Variants in TBC1D1 observed in about 807,000 individuals in gnomAD.
TBC1D1 encodes the protein TBC1 domain family member 1, also known as TBC1 (tre-2/USP6, BUB2, cdc16) domain family, member 1.
In TBC1D1, 89 loss-of-function variants were observed where a neutral mutation model predicts 125.6. That is an observed-to-expected ratio of 0.71 (90% CI 0.60 to 0.85). The LOEUF (loss-of-function observed/expected upper bound fraction) is 0.85. TBC1D1 is among the 40% of genes least tolerant of loss of function. The probability of loss-of-function intolerance (pLI) is 0.00; values close to 1 mark genes in which losing one functional copy is unlikely to be tolerated. For missense variants in TBC1D1, 1,377 were observed against 1,469.2 expected, an observed-to-expected ratio of 0.94 and a Z score of 1.03; for synonymous variants, 565 against 564.1, an observed-to-expected ratio of 1.00 and a Z score of -0.02.
At chr4:38,086,995 C>T (rs1019388029) in intron 12 of TBC1D1, among the ~76,000 whole-genome samples, 1 of 152,038 alleles carries the variant, frequency 6.6e-6, no homozygotes, top group African/African-American at 2.4e-5. Flanking sequence ...GTGACCTTGG[C>T]CAAGTTATAA....
intron 2 of TBC1D1, among the ~76,000 whole-genome samples, chr4:37,973,952 C>G (rs1249434331): frequency 6.6e-6 from 1 of 152,206 alleles, no homozygotes; most frequent in Non-Finnish European, 1.5e-5. Flanking sequence ...TTCTAACCAA[C>G]AGCCAGTTGC....
chr4:38,007,078 G>T (rs778449457), intron 2 of TBC1D1: 1 of 330,258 alleles, frequency 3.0e-6, no homozygotes, highest in East Asian at 8.6e-5. Context: ...CGAGACATGC[G>T]CAGGGCATAT....
chr4:38,083,534 A>G (rs557540378), intron 12 of TBC1D1, among the ~76,000 whole-genome samples: 8 of 152,368 alleles, frequency 5.3e-5, no homozygotes, highest in South Asian at 2.1e-4. Context: ...GGTAGTTGAC[A>G]TTTTATTAAA....
intron 18 of TBC1D1, among the ~76,000 whole-genome samples, chr4:38,129,081 C>T (rs1292252076): frequency 6.6e-6 from 1 of 152,198 alleles, no homozygotes; most frequent in African/African-American, 2.4e-5. Flanking sequence ...TGGGGCCACA[C>T]CCGAGACCTG....
At chr4:38,052,858 AG>A (rs1751013487) in intron 11 of TBC1D1, among the ~76,000 whole-genome samples, 1 of 152,272 alleles carries the variant, frequency 6.6e-6, no homozygotes, top group South Asian at 2.1e-4. Context: ...CCAGTTTGAA[AG>A]GAAGAGTTAT....
chr4:38,025,205 A>G (rs765871392), intron 6 of TBC1D1, among the ~76,000 whole-genome samples: 12 of 152,188 alleles, frequency 7.9e-5, no homozygotes, highest in Non-Finnish European at 1.3e-4. Flanking sequence ...AGGCGGCCTC[A>G]CTGACCAGAG....
At chr4:38,120,471 A>C (rs945907069) in intron 17 of TBC1D1, among the ~76,000 whole-genome samples, 1 of 152,262 alleles carries the variant, frequency 6.6e-6, no homozygotes, top group Non-Finnish European at 1.5e-5. Flanking sequence ...CCTGCCATTC[A>C]GTCACTATAG....
intron 2 of TBC1D1, among the ~76,000 whole-genome samples, chr4:37,971,323 C>T (rs1050020695): frequency 1.3e-5 from 2 of 152,164 alleles, no homozygotes; most frequent in African/African-American, 4.8e-5. Flanking sequence ...TTTATTGACT[C>T]ACAATTCCAC....
At chr4:38,098,099 T>G (rs1299716686) in intron 14 of TBC1D1, among the ~76,000 whole-genome samples, 3 of 152,216 alleles carry the variant, frequency 2.0e-5, no homozygotes, top group Non-Finnish European at 4.4e-5. Context: ...CAGCTTTCAG[T>G]GTGACTTTAG....
At chr4:38,056,577 G>A (rs569503770) in intron 12 of TBC1D1, among the ~76,000 whole-genome samples, 1 of 152,348 alleles carries the variant, frequency 6.6e-6, no homozygotes, top group Non-Finnish European at 1.5e-5. Context: ...GGGAGGCCAA[G>A]GCAGGAGGAT....
At chr4:37,954,302 C>T (rs769275852) in intron 2 of TBC1D1, among the ~76,000 whole-genome samples, 4 of 151,862 alleles carry the variant, frequency 2.6e-5, no homozygotes, top group Non-Finnish European at 5.9e-5. Context: ...TTAACCTTTC[C>T]TATGGTACTG....
intron 12 of TBC1D1, among the ~76,000 whole-genome samples, chr4:38,065,125 A>G (rs2152502235): frequency 6.6e-6 from 1 of 151,964 alleles, no homozygotes; most frequent in South Asian, 2.1e-4. Flanking sequence ...TTTAATAGAG[A>G]CGGAGTTTTT....
At chr4:37,988,430 T>C (rs1411148259) in intron 2 of TBC1D1, among the ~76,000 whole-genome samples, 4 of 152,170 alleles carry the variant, frequency 2.6e-5, no homozygotes, top group Admixed American at 2.6e-4. Flanking sequence ...TTAAGTAAGT[T>C]ATTTTTTTCT....
chr4:37,924,234 G>A (rs1721616766), intron 2 of TBC1D1, among the ~76,000 whole-genome samples: 1 of 151,980 alleles, frequency 6.6e-6, no homozygotes, highest in Admixed American at 6.6e-5. Context: ...CAATCTCATG[G>A]GATATTTTCT....
chr4:38,127,147 G>A (rs1217143698), intron 18 of TBC1D1, among the ~76,000 whole-genome samples: 5 of 151,412 alleles, frequency 3.3e-5, no homozygotes, highest in African/African-American at 1.2e-4. Flanking sequence ...CATCCCAGCT[G>A]ACATTGTTTA....
At position 38,138,392 on chromosome 4, in the gene TBC1D1, A is replaced by C. The variant is rs1328416138; in HGVS notation, c.*1057A>C. 1 of 152,506 alleles carries C rather than the reference A, an allele frequency of 6.6e-6. No individual in the cohort carries two copies. The highest frequency in any genetic ancestry group is 2.4e-5 in the African/African-American group (1 of 41,440). The allele number at this position is 152,506 out of a possible 1,614,324, so 9.4% of individuals were successfully genotyped here. On this transcript the variant is annotated 3_prime_UTR_variant, in exon 20 of 20. Coordinates refer to ENST00000261439, the MANE Select transcript of TBC1D1 (RefSeq NM_015173.4). ...TCCTTTGAGTCTCCATCCCTTGGAA[A>C]TCTGACTTCTTGCAGAAGGAGTAGG...
intron 3 of TBC1D1, among the ~76,000 whole-genome samples, chr4:38,017,210 A>G (rs537730315): frequency 1.3e-5 from 2 of 152,348 alleles, no homozygotes; most frequent in Admixed American, 1.3e-4. Context: ...GACTATCTTC[A>G]TTATGTAGGT....
At chr4:38,067,941 G>A (rs905652055) in intron 12 of TBC1D1, among the ~76,000 whole-genome samples, 3 of 152,156 alleles carry the variant, frequency 2.0e-5, no homozygotes, top group Non-Finnish European at 4.4e-5. Context: ...ACATCATTTA[G>A]AGATTGTGTC....
chr4:37,922,614 G>A (rs1721248122), intron 2 of TBC1D1, among the ~76,000 whole-genome samples: 1 of 152,164 alleles, frequency 6.6e-6, no homozygotes, highest in African/African-American at 2.4e-5. Flanking sequence ...CATGACCTCT[G>A]CTTATTCTCA....
Sources: allele counts gnomAD v4.1 joint callset (sites outside exome capture counted in the v4.1 genomes callset), GRCh38; gene constraint gnomAD v4.1.1; transcripts MANE v1.5; gene names NCBI Gene and HGNC (gene_info 2026-07-23, HGNC 2026-07-21).